The following ERBB4 variants were observed in gnomAD, a reference collection of about 807,000 sequenced individuals.
ERBB4 encodes receptor tyrosine-protein kinase erbB-4.
Under a neutral mutation model 158.0 loss-of-function variants are expected in ERBB4, and 42 were observed. That is an observed-to-expected ratio of 0.27 (90% CI 0.21 to 0.34). The LOEUF is 0.34. Among genes scored for constraint, ERBB4 ranks in the 10% least tolerant of loss-of-function variants. ERBB4 has a pLI of 1.00. For missense variants in ERBB4, 1,333 were observed against 1,624.1 expected (o/e 0.82, Z 3.08); for synonymous variants, 583 against 558.7 (o/e 1.04, Z -0.61).
chr2:211,428,303 G>A (rs1574471812), intron 22 of ERBB4, 105 bp downstream of exon 22: 1 of 631,464 alleles, frequency 1.6e-6, no homozygotes, highest in Non-Finnish European at 2.9e-6. Flanking sequence ...CTTATCAATA[G>A]GTATTTATAA....
intron 5 of ERBB4, among the ~76,000 whole-genome samples, chr2:211,735,119 A>G (rs2074562096): frequency 6.6e-6 from 1 of 152,138 alleles, no homozygotes; most frequent in Non-Finnish European, 1.5e-5. Flanking sequence ...AAATATTACC[A>G]TAAAGTAATC....
intron 3 of ERBB4, among the ~76,000 whole-genome samples, chr2:211,913,619 ATGTGTGTGTGTGTGTG>A (rs34762084): frequency 7.5e-6 from 1 of 132,744 alleles, no homozygotes; most frequent in African/African-American, 2.9e-5. Flanking sequence ...ATATATATAT[ATGTGTGTGTGTGTGTG>A]TGTGTGTGTG....
intron 1 of ERBB4, among the ~76,000 whole-genome samples, chr2:212,312,350 G>A (rs1322944277): frequency 6.6e-6 from 1 of 150,954 alleles, no homozygotes; most frequent in Non-Finnish European, 1.5e-5. Flanking sequence ...AAGTTGTTGA[G>A]TGGTAAAATT....
At chr2:211,579,039 G>T (rs946633438) in intron 19 of ERBB4, among the ~76,000 whole-genome samples, 3 of 151,964 alleles carry the variant, frequency 2.0e-5, no homozygotes, top group Non-Finnish European at 2.9e-5. Context: ...AGAAAATTTT[G>T]AAATCTATCC....
intron 20 of ERBB4, among the ~76,000 whole-genome samples, chr2:211,464,819 C>A (rs1422864102): frequency 1.3e-5 from 2 of 151,898 alleles, no homozygotes; most frequent in African/African-American, 2.4e-5. Context: ...ATGGACCATA[C>A]CTCACTATAT....
intron 4 of ERBB4, among the ~76,000 whole-genome samples, chr2:211,769,991 G>A (rs1575119604): frequency 1.3e-5 from 2 of 152,278 alleles, no homozygotes; most frequent in East Asian, 1.9e-4. Flanking sequence ...ATCCAATCAA[G>A]TTGACACTCA....
At chr2:212,239,069 A>G (rs968565231) in intron 1 of ERBB4, among the ~76,000 whole-genome samples, 1 of 152,202 alleles carries the variant, frequency 6.6e-6, no homozygotes, top group Non-Finnish European at 1.5e-5. Context: ...AAAATTTTTT[A>G]AAGAGATAGG....
chr2:212,378,650 C>A (rs543288497), intron 1 of ERBB4, among the ~76,000 whole-genome samples: 1 of 151,810 alleles, frequency 6.6e-6, no homozygotes, highest in African/African-American at 2.4e-5. Context: ...TTTATTCAAT[C>A]TTCTTTATCT....
rs1188184942 is a variant in ERBB4, at chr2:211,523,186, G to A, written c.2487+38717C>T. Among the ~76,000 whole-genome samples, 60 of 137,676 alleles carry A rather than the reference G, an allele frequency of 4.4e-4. 1 individual carries two copies. In the Admixed American group the frequency reaches 5.0e-3, roughly 11 times the overall value. The allele number at this position is 137,676 out of a possible 152,430, so 90.3% of individuals were successfully genotyped here. On this transcript the variant is annotated intron_variant, in intron 20 of 27. Transcript: ENST00000342788. ...CTAAAACAAAAAAGCACCTTCACAA[G>A]AACCAAAAATCAGGTGAGCGCTCAC...
intron 1 of ERBB4, among the ~76,000 whole-genome samples, chr2:212,446,755 T>C (rs1384984720): frequency 6.7e-6 from 1 of 149,368 alleles, no homozygotes; most frequent in Non-Finnish European, 1.5e-5. Flanking sequence ...CTCCATGTGC[T>C]TCACTAGTTT....
At chr2:211,828,541 C>A (rs2077152538) in intron 3 of ERBB4, among the ~76,000 whole-genome samples, 1 of 151,166 alleles carries the variant, frequency 6.6e-6, no homozygotes, top group South Asian at 2.1e-4. Context: ...ACAACAGACT[C>A]AGAACACATC....
At chr2:212,498,953 G>T (rs1291964069) in intron 1 of ERBB4, among the ~76,000 whole-genome samples, 1 of 151,956 alleles carries the variant, frequency 6.6e-6, no homozygotes, top group Non-Finnish European at 1.5e-5. Flanking sequence ...GTGGATCTGA[G>T]TAAGTCAATA....
rs979879175 is a variant in ERBB4 at position 211,667,934 on chromosome 2, G to A, written c.1717-2457C>T. On this transcript the variant is annotated intron_variant, in intron 14 of 27. Transcript: ENST00000342788. ...TATAGTCATGTGACACTTAATGACC[G>A]GGATATATTCTGAGCAATGCATCAT... 7.9e-5 allele frequency among the ~76,000 whole-genome samples: 12 copies of A among 151,972 alleles called. No individual in the cohort carries two copies. In the South Asian group the frequency reaches 8.3e-4, roughly 11 times the overall value.
intron 16 of ERBB4, among the ~76,000 whole-genome samples, chr2:211,632,591 A>T (rs1267219405): frequency 6.6e-6 from 1 of 151,640 alleles, no homozygotes; most frequent in Non-Finnish European, 1.5e-5. Context: ...GTATATGAAA[A>T]GAAAACGCTC....
At chr2:212,122,111 A>T (rs1575663983) in intron 2 of ERBB4, among the ~76,000 whole-genome samples, 1 of 151,332 alleles carries the variant, frequency 6.6e-6, no homozygotes, top group South Asian at 2.1e-4. Context: ...CATATATATC[A>T]CATATAAAAC....
intron 20 of ERBB4, among the ~76,000 whole-genome samples, chr2:211,544,998 T>A (rs1180458981): frequency 6.6e-6 from 1 of 152,076 alleles, no homozygotes; most frequent in Non-Finnish European, 1.5e-5. Context: ...AAGGAATTCA[T>A]GAAATTTTCT....
chr2:212,173,326 G>A (rs908020831), intron 1 of ERBB4, among the ~76,000 whole-genome samples: 9 of 152,084 alleles, frequency 5.9e-5, no homozygotes, highest in Admixed American at 5.2e-4. Context: ...CTCTGAAAAG[G>A]CAACATACAA....
At chr2:211,870,733 A>C (rs1399014730) in intron 3 of ERBB4, among the ~76,000 whole-genome samples, 2 of 152,104 alleles carry the variant, frequency 1.3e-5, no homozygotes, top group Non-Finnish European at 2.9e-5. Flanking sequence ...CAAACTTGGT[A>C]ATTTTTATTA....
chr2:211,481,269 T>C (rs2065076113), intron 20 of ERBB4, among the ~76,000 whole-genome samples: 1 of 152,048 alleles, frequency 6.6e-6, no homozygotes, highest in Non-Finnish European at 1.5e-5. Context: ...CTAAACAAAA[T>C]AGAAAAAGCC....
Sources: allele counts gnomAD v4.1 joint callset (sites outside exome capture counted in the v4.1 genomes callset), GRCh38; gene constraint gnomAD v4.1.1; transcripts MANE v1.5; gene names NCBI Gene and HGNC (gene_info 2026-07-23, HGNC 2026-07-21).